The following AUTS2 variants were observed in gnomAD, a reference collection of about 807,000 sequenced individuals.
AUTS2 encodes the protein activator of transcription and developmental regulator AUTS2.
AUTS2 carries 17 observed loss-of-function variants against 112.4 expected under a neutral mutation model. The ratio of observed to expected loss-of-function variants is 0.15; its 90% confidence interval spans 0.10 to 0.23. The LOEUF (loss-of-function observed/expected upper bound fraction) is 0.23, where lower values mean the gene tolerates loss of function less well. Among genes scored for constraint, AUTS2 ranks in the 10% least tolerant of loss-of-function variants. AUTS2 has a pLI of 1.00. For synonymous variants in AUTS2, 751 were observed against 702.7 expected (o/e 1.07, Z -1.09); for missense variants, 1,510 against 1,701.6 (o/e 0.89, Z 1.98).
intron 5 of AUTS2, among the ~76,000 whole-genome samples, chr7:70,524,300 C>T (rs1563015239): frequency 6.6e-6 from 1 of 152,212 alleles, no homozygotes; most frequent in Non-Finnish European, 1.5e-5. Flanking sequence ...TCCTGACTCT[C>T]CCACTTACAA....
At chr7:70,625,589 C>T (rs149701830) in intron 5 of AUTS2, among the ~76,000 whole-genome samples, 1,910 of 152,300 alleles carry the variant, frequency 0.013, 15 homozygotes, top group Non-Finnish European at 0.019. Context: ...CTTACTTCTT[C>T]GTATTTCTGG....
Position 69,899,504 on chromosome 7 carries a change from G to C in AUTS2, c.522+6G>C, listed in dbSNP as rs1241675880. Reference sequence around the variant, plus strand: ...TGCCGAAGGCACTCAGACAGGTGAGGAAGCTTGGGTTCGCTCTTTCCTGTG... The same window carrying C: ...TGCCGAAGGCACTCAGACAGGTGAGCAAGCTTGGGTTCGCTCTTTCCTGTG... On this transcript the variant is annotated splice_donor_region_variant and intron_variant, in intron 2 of 18. Coordinates refer to ENST00000342771, the MANE Select transcript of AUTS2 (RefSeq NM_015570.4). 6.2e-7 allele frequency: 1 copy of C among 1,613,836 alleles called. No individual in the cohort carries two copies. Among genetic ancestry groups the C allele is most frequent in the Non-Finnish European group, 8.5e-7 (1 of 1,179,804 alleles).
At chr7:69,829,179 G>A (rs982822383) in intron 1 of AUTS2, among the ~76,000 whole-genome samples, 34 of 152,122 alleles carry the variant, frequency 2.2e-4, no homozygotes, top group Non-Finnish European at 1.5e-5. Context: ...TGGGAAAACT[G>A]GCTAGCCATA....
At chr7:70,471,217 T>C (rs1008800239) in intron 5 of AUTS2, among the ~76,000 whole-genome samples, 1 of 152,192 alleles carries the variant, frequency 6.6e-6, no homozygotes, top group African/African-American at 2.4e-5. Flanking sequence ...AGTTTATGGC[T>C]ATAATCAACA....
chr7:70,739,227 C>T (rs1787958326), intron 6 of AUTS2, among the ~76,000 whole-genome samples: 1 of 151,610 alleles, frequency 6.6e-6, no homozygotes, highest in Non-Finnish European at 1.5e-5. Context: ...AGGGTCTCAC[C>T]ATGTTGCCCA....
chr7:69,740,023 T>C lies in AUTS2; in HGVS notation c.309+140061T>C, dbSNP rs79876053. On this transcript the variant is annotated intron_variant, in intron 1 of 18. Coordinates refer to ENST00000342771, the MANE Select transcript of AUTS2 (RefSeq NM_015570.4). ...GGACTTACTCAAGTTTGAGACTATC[T>C]TTAGTGGGCCAATGACGTAGGAACA... Among the ~76,000 whole-genome samples, 443 of 152,298 alleles carry C rather than the reference T, an allele frequency of 2.9e-3. 5 individuals are homozygous for C. The highest frequency in any genetic ancestry group is 0.01 in the African/African-American group (429 of 41,568).
At chr7:70,472,575 T>A (rs1437370325) in intron 5 of AUTS2, among the ~76,000 whole-genome samples, 3 of 152,192 alleles carry the variant, frequency 2.0e-5, no homozygotes, top group Non-Finnish European at 4.4e-5. Flanking sequence ...TACCAGCCAT[T>A]AAAAATGTGT....
rs1192721397 is a variant in AUTS2 at position 70,781,667 on chromosome 7, T to C, written c.2057T>C (p.Phe686Ser). ...CTGGACTTTGGACTGAAACCTGAGT[T>C]CCTGAGCCGCCCTCCAGGCCCCAGT... is the stretch of plus-strand genomic sequence containing the variant. ...HKLDFGLKPE[F>S]LSRPPGPSLF... Residue 686 changes from phenylalanine to serine, a missense_variant, in exon 15 of 19, where the codon TTC becomes TCC. Around this residue, in one of 3 missense-constraint regions of AUTS2, gnomAD observed 187 missense variants for 309.7 expected, o/e 0.60. Coordinates refer to ENST00000342771, the MANE Select transcript of AUTS2 (RefSeq NM_015570.4). 3 of 1,614,060 alleles carry C rather than the reference T, an allele frequency of 1.9e-6. No homozygotes were observed. Among genetic ancestry groups the C allele is most frequent in the Non-Finnish European group, 2.5e-6 (3 of 1,180,044 alleles).
chr7:70,172,985 G>T (rs1485786895), intron 4 of AUTS2, among the ~76,000 whole-genome samples: 1 of 152,190 alleles, frequency 6.6e-6, no homozygotes, highest in African/African-American at 2.4e-5. Context: ...AGTGGTTGAG[G>T]ATTCACTGGC....
At chr7:70,745,906 A>T (rs1171802735) in intron 6 of AUTS2, among the ~76,000 whole-genome samples, 2 of 152,220 alleles carry the variant, frequency 1.3e-5, no homozygotes, top group Admixed American at 6.5e-5. Flanking sequence ...TTCTGGCTTA[A>T]CATGTAATTG....
intron 2 of AUTS2, among the ~76,000 whole-genome samples, chr7:70,050,489 C>T (rs1801702736): frequency 6.6e-6 from 1 of 151,790 alleles, no homozygotes; most frequent in African/African-American, 2.4e-5. Context: ...TGAAGGTGAG[C>T]CCTCCAGTTC....
intron 1 of AUTS2, among the ~76,000 whole-genome samples, chr7:69,865,671 C>A (rs1793192574): frequency 6.6e-6 from 1 of 152,172 alleles, no homozygotes; most frequent in Admixed American, 6.5e-5. Flanking sequence ...CATTCTCTTT[C>A]ATTCTCATTT....
chr7:70,437,831 T>G (rs1411169465), intron 5 of AUTS2: 1 of 140,510 alleles, frequency 7.1e-6, no homozygotes, highest in Non-Finnish European at 1.5e-5. Flanking sequence ...CAGAGTGAGA[T>G]TCCATCAAAA....
chr7:70,633,064 A>G (rs1805348730), intron 5 of AUTS2, among the ~76,000 whole-genome samples: 1 of 152,184 alleles, frequency 6.6e-6, no homozygotes, highest in African/African-American at 2.4e-5. Flanking sequence ...AGCAGCATCC[A>G]TGCCCCATGG....
chr7:70,501,370 G>T (rs571344921), intron 5 of AUTS2, among the ~76,000 whole-genome samples: 1 of 152,140 alleles, frequency 6.6e-6, no homozygotes, highest in Admixed American at 6.5e-5. Flanking sequence ...TAACTGGATC[G>T]GCTGCCTCCT....
rs1357840917 is a variant in AUTS2, at chr7:70,123,759, A to G, written c.624+5526A>G. Among the ~76,000 whole-genome samples the G allele has an allele frequency of 4.6e-5, 7 of 152,264 alleles. No homozygotes were observed. In the East Asian group the frequency reaches 7.7e-4, roughly 17 times the overall value. ...TTTATCCAATCTGTCATTGATGGGC[A>G]TTTAGGTGTAGCCCGTGTATTTGCT... On this transcript the variant is annotated intron_variant, in intron 3 of 18. Transcript: ENST00000342771.
At chr7:70,704,148 C>A (rs539605003) in intron 6 of AUTS2, among the ~76,000 whole-genome samples, 3 of 152,192 alleles carry the variant, frequency 2.0e-5, no homozygotes, top group African/African-American at 7.2e-5. Flanking sequence ...AAGTGTCTCC[C>A]GAAAATTTTC....
intron 5 of AUTS2, among the ~76,000 whole-genome samples, chr7:70,447,848 A>T (rs189303536): frequency 1.8e-3 from 279 of 152,380 alleles, no homozygotes; most frequent in Non-Finnish European, 3.5e-3. Flanking sequence ...CAGTTAGCAC[A>T]TTACTTGCAT....
intron 5 of AUTS2, among the ~76,000 whole-genome samples, chr7:70,525,063 T>C (rs1799786453): frequency 6.6e-6 from 1 of 152,126 alleles, no homozygotes; most frequent in Non-Finnish European, 1.5e-5. Flanking sequence ...GAAAGGGCCT[T>C]GAGGTTATTT....
Sources: gnomAD v4.1 joint callset for allele counts (sites outside exome capture counted in the v4.1 genomes callset) on GRCh38, gnomAD v4.1.1 for gene constraint, gnomAD v4.1.1 regional missense constraint, MANE v1.5 for transcripts, NCBI Gene and HGNC (gene_info 2026-07-23, HGNC 2026-07-21) for gene names.